The following USP34 variants were observed in gnomAD, a reference collection of about 807,000 sequenced individuals.
USP34 encodes the protein ubiquitin specific peptidase 34.
A neutral mutation model predicts 460.3 loss-of-function variants in USP34; 70 were observed. The observed-to-expected ratio is 0.15, with a 90% CI of 0.13 to 0.19. USP34 has a LOEUF of 0.19. USP34 is among the 10% of genes least tolerant of loss of function. USP34 has a pLI of 1.00. For missense variants in USP34, 3,985 were observed against 4,236.2 expected (o/e 0.94, Z 1.65); for synonymous variants, 1,647 against 1,405.3 (o/e 1.17, Z -3.85).
At chr2:61,321,166 T>G (rs998745367) in intron 21 of USP34, among the ~76,000 whole-genome samples, 9 of 150,110 alleles carry the variant, frequency 6.0e-5, no homozygotes, top group African/African-American at 2.2e-4. Flanking sequence ...CGAGACTGTC[T>G]CTTTAAAAAA....
intron 68 of USP34, among the ~76,000 whole-genome samples, chr2:61,213,585 T>C (rs1358408760): frequency 6.6e-6 from 1 of 152,208 alleles, no homozygotes; most frequent in Admixed American, 6.5e-5. Context: ...TGTATCTCGA[T>C]TGATCTCTTA....
In USP34 at chr2:61,314,744, C is replaced by A; in HGVS notation, c.3383G>T (p.Gly1128Val). 2 of 1,576,008 alleles carry A rather than the reference C, an allele frequency of 1.3e-6. No homozygotes were observed. Among genetic ancestry groups the A allele is most frequent in the Non-Finnish European group, 8.6e-7 (1 of 1,165,868 alleles). The change falls in exon 25 of 80, where the codon GGT becomes GTT. Residue 1128 changes from glycine to valine, a missense_variant and splice_region_variant. By Grantham distance (109) the Gly-to-Val change is moderately radical (BLOSUM62 -3). Around this residue, in one of 14 missense-constraint regions of USP34, gnomAD observed 1,114 missense variants for 1,122.5 expected, o/e 0.99. Transcript: ENST00000398571. ...TTGCTCCTTCTCCAAACCTGTTTTA[C>A]CTGAAAGCCAAATGTTTAGACACAT... ...IQYINSYYIN[G>V]KTGLEKEQEF... is the part of the protein sequence containing the mutation.
chr2:61,398,449 T>TGGGGGAAGGACGGAGAAGC (rs1458449521), intron 3 of USP34, among the ~76,000 whole-genome samples: 1 of 60,942 alleles, frequency 1.6e-5, no homozygotes, highest in African/African-American at 6.3e-5. Context: ...GAGGGGAAAG[T>TGGGGGAAGGACGGAGAAGC]GGGGGAAGGA....
At chr2:61,430,557 G>C (rs956229247) in intron 1 of USP34, among the ~76,000 whole-genome samples, 2 of 152,160 alleles carry the variant, frequency 1.3e-5, no homozygotes, top group African/African-American at 2.4e-5. Context: ...TCTTATATGA[G>C]TGTATACATT....
chr2:61,194,054 G>C lies in USP34; in HGVS notation c.9509-1074C>G, dbSNP rs1021352853. Reference sequence around the variant, plus strand: ...CTATTCTTAGCTAGCAGGTAGCCATGGTTATACAAAAACAGGCAGCATGTG... The same window carrying C: ...CTATTCTTAGCTAGCAGGTAGCCATCGTTATACAAAAACAGGCAGCATGTG... On this transcript the variant is annotated intron_variant, in intron 75 of 79. Coordinates refer to ENST00000398571, the MANE Select transcript of USP34 (RefSeq NM_014709.4). 5 of 926,916 alleles carry C rather than the reference G, an allele frequency of 5.4e-6. No individual in the cohort carries two copies. The East Asian group carries it at 4.7e-4, about 87-fold the overall frequency. 57.4% of individuals were successfully genotyped at this position (926,916 alleles called of 1,614,324 possible). A position where few individuals can be genotyped will look rare whatever the true frequency, so the allele number is the denominator to read the frequency against.
chr2:61,220,517 T>C, intron 66 of USP34, 60 bp from the exon 67 acceptor site: 1 of 1,476,636 alleles, frequency 6.8e-7, no homozygotes, highest in Non-Finnish European at 9.1e-7. Flanking sequence ...TTACTTTTAC[T>C]TACTTTTTGT....
At chr2:61,343,676 A>G in intron 16 of USP34, 139 bp downstream of exon 16, 2 of 860,330 alleles carry the variant, frequency 2.3e-6, no homozygotes, top group Non-Finnish European at 3.5e-6. Context: ...GGGGGAAAAA[A>G]AAAAACTACC....
chr2:61,297,224 C>T (rs1690056491), intron 29 of USP34, among the ~76,000 whole-genome samples: 1 of 152,170 alleles, frequency 6.6e-6, no homozygotes, highest in South Asian at 2.1e-4. Context: ...CCAGAAAATT[C>T]TAACAAATTT....
chr2:61,360,421 T>G (rs1203208703), intron 10 of USP34, among the ~76,000 whole-genome samples: 3 of 152,008 alleles, frequency 2.0e-5, no homozygotes, highest in African/African-American at 7.2e-5. Flanking sequence ...GAAAACGCAA[T>G]TAAGAAAACA....
intron 1 of USP34, among the ~76,000 whole-genome samples, chr2:61,434,435 T>G (rs1359094255): frequency 3.9e-5 from 6 of 152,154 alleles, no homozygotes; most frequent in African/African-American, 1.4e-4. Context: ...CCAAGCCAAT[T>G]GAGCAACCAC....
chr2:61,226,816 T>C, intron 62 of USP34: 1 of 375,456 alleles, frequency 2.7e-6, no homozygotes, highest in Non-Finnish European at 4.6e-6. Flanking sequence ...TGTATATTTT[T>C]TCAATGACTA....
In USP34 at chr2:61,425,489, T is replaced by A. The variant is rs142889987; in HGVS notation, c.44-4656A>T. 9.5e-4 allele frequency among the ~76,000 whole-genome samples: 144 copies of A among 152,152 alleles called. 2 individuals are homozygous for A. The highest frequency in any genetic ancestry group is 9.3e-3 in the East Asian group (48 of 5,160). ...AACTGCAAGCCACTGAACTCAGTGC[T>A]GTCCTGTGAGAGCAGAAAAGAAAAC... On this transcript the variant is annotated intron_variant, in intron 1 of 79. Coordinates refer to ENST00000398571, the MANE Select transcript of USP34 (RefSeq NM_014709.4).
intron 3 of USP34, among the ~76,000 whole-genome samples, chr2:61,401,129 G>T (rs1481044675): frequency 1.7e-5 from 2 of 119,736 alleles, no homozygotes; most frequent in Non-Finnish European, 3.2e-5. Flanking sequence ...CTAGCCTGGT[G>T]ACCAAGCAAG....
intron 1 of USP34, among the ~76,000 whole-genome samples, chr2:61,426,480 T>C (rs1184073019): frequency 6.6e-6 from 1 of 151,698 alleles, no homozygotes; most frequent in Admixed American, 6.6e-5. Context: ...GGCCTGGGGG[T>C]GGCGGTGGCT....
intron 10 of USP34, among the ~76,000 whole-genome samples, chr2:61,365,254 A>AACAC (rs1692395665): frequency 1.3e-5 from 1 of 76,324 alleles, no homozygotes. Context: ...TCCATTTCAA[A>AACAC]ATACACACAC....
At chr2:61,270,679 A>G (rs1689187445) in intron 41 of USP34, among the ~76,000 whole-genome samples, 1 of 152,146 alleles carries the variant, frequency 6.6e-6, no homozygotes, top group African/African-American at 2.4e-5. Flanking sequence ...CAAGCAATCC[A>G]GCTGCCTTGG....
chr2:61,359,270 C>A (rs1428981286), intron 10 of USP34, among the ~76,000 whole-genome samples: 1 of 152,068 alleles, frequency 6.6e-6, no homozygotes, highest in Non-Finnish European at 1.5e-5. Context: ...GAATGCAGAT[C>A]CCAAAAATAA....
intron 62 of USP34, 150 bp from the exon 63 acceptor site, chr2:61,223,446 A>G (rs1687645944): frequency 1.3e-6 from 1 of 797,778 alleles, no homozygotes; most frequent in Non-Finnish European, 1.9e-6. Context: ...TTTGCTTGCT[A>G]AATGTCTTTT....
intron 1 of USP34, among the ~76,000 whole-genome samples, chr2:61,438,929 A>T (rs578254323): frequency 1.3e-5 from 2 of 152,322 alleles, no homozygotes; most frequent in South Asian, 4.1e-4. Context: ...CCTATGCTCC[A>T]CTAAAAACAC....
Sources: gnomAD v4.1 joint callset for allele counts (sites outside exome capture counted in the v4.1 genomes callset) on GRCh38, gnomAD v4.1.1 for gene constraint, gnomAD v4.1.1 regional missense constraint, MANE v1.5 for transcripts, NCBI Gene and HGNC (gene_info 2026-07-23, HGNC 2026-07-21) for gene names.